CEACAM20: variants seen among roughly 807,000 people sequenced by gnomAD.
CEACAM20 encodes CEA cell adhesion molecule 20.
A neutral mutation model predicts 61.2 loss-of-function variants in CEACAM20; 50 were observed. The ratio of observed to expected loss-of-function variants is 0.82; its 90% CI spans 0.65 to 1.03. CEACAM20 has a LOEUF of 1.03. CEACAM20 is among the 50% of genes least tolerant of loss of function. The pLI is 0.00. For missense variants in CEACAM20, 683 were observed against 736.4 expected (o/e 0.93, Z 0.84); for synonymous variants, 282 against 287.7 (o/e 0.98, Z 0.20).
At chr19:44,526,269 G>A (rs1971525866) in intron 1 of CEACAM20, among the ~76,000 whole-genome samples, 2 of 152,016 alleles carry the variant, frequency 1.3e-5, no homozygotes, top group African/African-American at 4.8e-5. Context: ...AGGACTTTGG[G>A]AGGCTGAAGT....
intron 4 of CEACAM20, among the ~76,000 whole-genome samples, chr19:44,521,889 G>A (rs1433769398): frequency 6.6e-6 from 1 of 152,068 alleles, no homozygotes. Flanking sequence ...TGAATGTTGT[G>A]TTAGTGTTTT....
At chr19:44,510,904 A>C in intron 11 of CEACAM20, 126 bp downstream of exon 11, 1 of 1,098,942 alleles carries the variant, frequency 9.1e-7, no homozygotes, top group Non-Finnish European at 1.3e-6. Flanking sequence ...ATAGGATGGA[A>C]TTGAGAAGAT....
Position 44,513,233 on chromosome 19 carries a change from G to C in CEACAM20, c.1366C>G (p.Leu456Val). The change falls in exon 7 of 12, where the codon CTG becomes GTG. Residue 456 changes from leucine (L) to valine (V), a missense_variant. Transcript: ENST00000614924. ...GAIAGIVIGI[L>V]AVIAVASELG... ...TCTGAGGCCACAGCAATGACAGCCA[G>C]GATCCCGATGACAATACCAGCGATG... The C allele has an allele frequency of 6.2e-7, 1 of 1,613,832 alleles. No homozygotes were observed. The highest frequency in any genetic ancestry group is 8.5e-7 in the Non-Finnish European group (1 of 1,179,872).
At chr19:44,508,591 T>C (rs929114286) in intron 11 of CEACAM20, among the ~76,000 whole-genome samples, 9 of 152,164 alleles carry the variant, frequency 5.9e-5, no homozygotes, top group African/African-American at 2.2e-4. Context: ...CGTTTCACCA[T>C]GATGGCCAGG....
At chr19:44,510,605 AAAGAAAAAGGAAGGAAG>A (rs1970960809) in intron 11 of CEACAM20, among the ~76,000 whole-genome samples, 6 of 75,362 alleles carry the variant, frequency 8.0e-5, no homozygotes, top group African/African-American at 1.5e-4. Context: ...AGAAAGAAAG[AAAGAAAAAGGAAGGAAG>A]GAAGAAAGAA....
Position 44,517,256 on chromosome 19 carries a change from G to A in CEACAM20, c.1031-32C>T, listed in dbSNP as rs779374012. ...GTAAAGCCAAACGTGATGCACCCTG[G>A]CCCCCATCAGCGAGTCATCCCATTC... is the stretch of plus-strand genomic sequence containing the variant. On this transcript the variant is annotated intron_variant, in intron 5 of 11. Transcript: ENST00000614924. 9.4e-5 allele frequency: 149 copies of A among 1,590,712 alleles called. 1 individual carries two copies. The South Asian group carries it at 1.4e-3, about 15-fold the overall frequency.
intron 11 of CEACAM20, 71 bp downstream of exon 11, chr19:44,510,959 T>C (rs1970977425): frequency 1.3e-6 from 2 of 1,589,706 alleles, no homozygotes; most frequent in Non-Finnish European, 1.7e-6. Flanking sequence ...ACAGACTCTT[T>C]AGTAGGGAAG....
At chr19:44,528,144 CTTTTCTTT>C (rs1467873705) in intron 1 of CEACAM20, among the ~76,000 whole-genome samples, 3 of 129,316 alleles carry the variant, frequency 2.3e-5, no homozygotes, top group African/African-American at 1.0e-4. Flanking sequence ...CTCTTTCTTT[CTTTTCTTT>C]CTTTCTTTTC....
intron 1 of CEACAM20, among the ~76,000 whole-genome samples, chr19:44,528,331 C>A (rs1971599333): frequency 6.6e-6 from 1 of 151,898 alleles, no homozygotes; most frequent in Non-Finnish European, 1.5e-5. Flanking sequence ...CAGGTTCAAG[C>A]AATTATCTGC....
chr19:44,526,524 CA>C (rs1376177610), intron 1 of CEACAM20, among the ~76,000 whole-genome samples: 1 of 147,418 alleles, frequency 6.8e-6, no homozygotes, highest in Non-Finnish European at 1.5e-5. Flanking sequence ...TAGAAACACA[CA>C]AAAAAATGAG....
chr19:44,525,689 C>T (rs953378380), intron 1 of CEACAM20, among the ~76,000 whole-genome samples: 8 of 152,142 alleles, frequency 5.3e-5, no homozygotes, highest in East Asian at 1.9e-4. Flanking sequence ...ATGACCTGCC[C>T]GCCTCGGCCT....
At chr19:44,520,837 AGTGC>A (rs370056603) in intron 4 of CEACAM20, 85 bp from the exon 5 acceptor site, 29 of 1,293,760 alleles carry the variant, frequency 2.2e-5, no homozygotes, top group South Asian at 4.0e-5. Flanking sequence ...TTTTTCCAGG[AGTGC>A]GTGCGTGTGT....
chr19:44,508,332 C>T (rs1193217876), intron 11 of CEACAM20, among the ~76,000 whole-genome samples: 1 of 152,204 alleles, frequency 6.6e-6, no homozygotes. Context: ...CACTTGACTG[C>T]TCTAAACTTG....
intron 11 of CEACAM20, among the ~76,000 whole-genome samples, chr19:44,507,582 C>T (rs1970855914): frequency 6.6e-6 from 1 of 152,166 alleles, no homozygotes; most frequent in African/African-American, 2.4e-5. Flanking sequence ...GAAACAGCTT[C>T]TTGATAGCAT....
chr19:44,529,531 G>A lies in CEACAM20; in HGVS notation c.-22C>T, dbSNP rs931608796. The A allele has an allele frequency of 6.2e-7, 1 of 1,613,000 alleles. No homozygotes were observed. Among genetic ancestry groups the A allele is most frequent in the East Asian group, 2.2e-5 (1 of 44,850 alleles). On this transcript the variant is annotated 5_prime_UTR_variant, in exon 1 of 12. Transcript: ENST00000614924. The stretch of plus-strand genomic sequence containing the variant: ...CCATGGGTCCCGGCACCTGACTTCA[G>A]TGTGCCAGGCCGTCTGTCGCCCCGG...
rs1223558661 is a variant in CEACAM20 at position 44,523,971 on chromosome 19, T to C, written c.472+15A>G. ...AGTGTCAGTGAGGGGTTGGAGAGAATGGAAAGGGACTCACACTTCACATCC... is the reference window on the plus strand; with the variant it reads ...AGTGTCAGTGAGGGGTTGGAGAGAACGGAAAGGGACTCACACTTCACATCC... On this transcript the variant is annotated intron_variant, in intron 3 of 11. Transcript: ENST00000614924. The C allele has an allele frequency of 1.3e-6, 2 of 1,543,494 alleles. No individual in the cohort carries two copies. The highest frequency in any genetic ancestry group is 1.8e-6 in the Non-Finnish European group (2 of 1,141,532).
chr19:44,524,205 T>C lies in CEACAM20; in HGVS notation c.253A>G (p.Met85Val). The change falls in exon 3 of 12, where the codon ATG becomes GTG. Residue 85 changes from methionine to valine, a missense_variant. By Grantham distance (21) the Met-to-Val change is conservative. Transcript: ENST00000614924. ...TTAGTGGTGCAGTAGAAGGTCACCATGTCCTTCTGCTCTATGGCAGTGCCT... is the reference window on the plus strand; with the variant it reads ...TTAGTGGTGCAGTAGAAGGTCACCACGTCCTTCTGCTCTATGGCAGTGCCT... ...SPGTAIEQKD[M>V]VTFYCTTKDV... 6.2e-7 allele frequency: 1 copy of C among 1,613,996 alleles called. No individual in the cohort carries two copies. Among genetic ancestry groups the C allele is most frequent in the Non-Finnish European group, 8.5e-7 (1 of 1,179,878 alleles).
intron 11 of CEACAM20, among the ~76,000 whole-genome samples, chr19:44,507,276 C>A (rs1251186691): frequency 6.6e-6 from 1 of 152,142 alleles, no homozygotes; most frequent in East Asian, 1.9e-4. Context: ...ACATGGCTCC[C>A]CTACGCAGAC....
chr19:44,520,685 G>A lies in CEACAM20; in HGVS notation c.819C>T (p.Asp273=), dbSNP rs571734560. The A allele has an allele frequency of 4.6e-5, 74 of 1,614,012 alleles. No homozygotes were observed. The highest frequency in any genetic ancestry group is 6.3e-5 in the Non-Finnish European group (74 of 1,179,874). Residue 273 remains aspartate (D), a synonymous_variant, in exon 5 of 12, where the codon GAC becomes GAT. Coordinates refer to ENST00000614924, the MANE Select transcript of CEACAM20 (RefSeq NM_001102597.3). ...TCTGATTGACGGTTTGGCAGGTCAG[G>A]TCCACAGACCTAGCATTCTCCACAA... ...LNLVENARSV[D]LTCQTVNQSV...
Sources: allele counts gnomAD v4.1 joint callset (sites outside exome capture counted in the v4.1 genomes callset), GRCh38; gene constraint gnomAD v4.1.1; transcripts MANE v1.5; gene names NCBI Gene and HGNC (gene_info 2026-07-23, HGNC 2026-07-21).